Variants in AMMECR1 observed in about 807,000 individuals in gnomAD.
The protein encoded by AMMECR1 is AMMECR nuclear protein 1, also known as nuclear protein AMMECR1.
AMMECR1 carries 3 observed loss-of-function variants against 22.5 expected under a neutral mutation model. That is an observed-to-expected ratio of 0.13 (90% CI 0.06 to 0.35). The LOEUF is 0.35. Among genes scored for constraint, AMMECR1 ranks in the 10% least tolerant of loss-of-function variants. AMMECR1 has a pLI of 1.00. For missense variants in AMMECR1, 235 were observed against 278.7 expected (o/e 0.84, Z 1.12); for synonymous variants, 130 against 116.7 (o/e 1.11, Z -0.74).
At chrX:110,421,227 CTT>C (rs1368457793) in intron 2 of AMMECR1, among the ~76,000 whole-genome samples, 1 of 112,542 alleles carries the variant, frequency 8.9e-6, no homozygotes, top group African/African-American at 3.2e-5. Context: ...GGATTTAACT[CTT>C]TTCATGCACT....
chrX:110,367,515 A>T (rs771812908), intron 2 of AMMECR1, among the ~76,000 whole-genome samples: 1 of 110,599 alleles, frequency 9.0e-6, no homozygotes, highest in Non-Finnish European at 1.9e-5. Flanking sequence ...TTTTTCTTCC[A>T]CTTGGCTTCC....
At chrX:110,363,813 A>G (rs1207613320) in intron 2 of AMMECR1, among the ~76,000 whole-genome samples, 1 of 111,559 alleles carries the variant, frequency 9.0e-6, no homozygotes, top group East Asian at 2.8e-4. Flanking sequence ...AAGTGCCTAC[A>G]GAGTCAAACA....
At chrX:110,415,734 G>A (rs184381182) in intron 2 of AMMECR1, among the ~76,000 whole-genome samples, 3 of 111,421 alleles carry the variant, frequency 2.7e-5, no homozygotes, top group Admixed American at 9.5e-5. Context: ...AAGCTGGGCC[G>A]CAAACAAAGA....
At chrX:110,311,841 G>T in intron 1 of AMMECR1, among the ~76,000 whole-genome samples, 1 of 111,983 alleles carries the variant, frequency 8.9e-6, no homozygotes, top group Non-Finnish European at 1.9e-5. Flanking sequence ...ACAACCACTG[G>T]TTTCCCACAC....
chrX:110,407,724 A>G (rs930149730), intron 2 of AMMECR1, among the ~76,000 whole-genome samples: 1 of 112,287 alleles, frequency 8.9e-6, no homozygotes, highest in African/African-American at 3.2e-5. Flanking sequence ...GTTTGGGGCT[A>G]TCTGTGTGAG....
At chrX:110,338,082 C>T (rs1341589073) in intron 2 of AMMECR1, among the ~76,000 whole-genome samples, 1 of 111,573 alleles carries the variant, frequency 9.0e-6, no homozygotes, top group African/African-American at 3.3e-5. Flanking sequence ...AATGGGGAGT[C>T]ATTGTTTAAT....
intron 2 of AMMECR1, among the ~76,000 whole-genome samples, chrX:110,420,304 T>C (rs1488771717): frequency 1.8e-5 from 2 of 112,339 alleles, no homozygotes; most frequent in African/African-American, 6.5e-5. Context: ...TGTTCTGGAA[T>C]AGCTAACCAA....
At chrX:110,339,654 G>A (rs1256730241) in intron 2 of AMMECR1, among the ~76,000 whole-genome samples, 3 of 109,400 alleles carry the variant, frequency 2.7e-5, no homozygotes, top group Admixed American at 9.8e-5. Context: ...GCGCCACCAC[G>A]CCCGGCTAAT....
intron 1 of AMMECR1, among the ~76,000 whole-genome samples, chrX:110,427,197 C>T (rs1244559277): frequency 8.9e-6 from 1 of 112,050 alleles, no homozygotes; most frequent in Non-Finnish European, 1.9e-5. Flanking sequence ...TTCTCACCTT[C>T]TCTCCTTAGT....
chrX:110,199,673 C>A (rs1171505556), intron 5 of AMMECR1, among the ~76,000 whole-genome samples: 2 of 111,061 alleles, frequency 1.8e-5, no homozygotes, highest in African/African-American at 6.5e-5. Context: ...CCTTTCATTT[C>A]TTCCACATTA....
intron 1 of AMMECR1, among the ~76,000 whole-genome samples, chrX:110,296,910 T>G (rs1298262747): frequency 9.0e-6 from 1 of 111,270 alleles, no homozygotes; most frequent in Non-Finnish European, 1.9e-5. Context: ...CTGAATTAAG[T>G]GCCATAGTTT....
Position 110,367,441 on chromosome X carries a change from TCTC to T in AMMECR1, c.-147-49595_-147-49593del, listed in dbSNP as rs746410643. On this transcript the variant is annotated intron_variant, in intron 2 of 7. Coordinates refer to the AMMECR1 transcript ENST00000372057. ...TTAAATTCAATGGTCATTTTACTGTTCTCCTTTTTTTTTCGCCCAACAGCGGCA... is the reference window on the plus strand; with the variant it reads ...TTAAATTCAATGGTCATTTTACTGTTCTTTTTTTTTCGCCCAACAGCGGCA... 2.6e-3 allele frequency among the ~76,000 whole-genome samples: 296 copies of T among 111,828 alleles called. 1 individual carries two copies. Among genetic ancestry groups the T allele is most frequent in the African/African-American group, 9.5e-3 (291 of 30,793 alleles).
intron 2 of AMMECR1, among the ~76,000 whole-genome samples, chrX:110,347,667 C>T (rs1264649864): frequency 3.5e-5 from 4 of 112,678 alleles, no homozygotes; most frequent in Non-Finnish European, 7.5e-5. Context: ...GCAGGCATTA[C>T]CACTGACAAA....
intron 2 of AMMECR1, among the ~76,000 whole-genome samples, chrX:110,221,699 T>C (rs912848880): frequency 1.8e-5 from 2 of 109,940 alleles, no homozygotes; most frequent in African/African-American, 6.6e-5. Context: ...TCATGGGGAA[T>C]AGAGGAAAGA....
chrX:110,371,721 G>A (rs1487359542), intron 2 of AMMECR1, among the ~76,000 whole-genome samples: 1 of 111,178 alleles, frequency 9.0e-6, no homozygotes, highest in Non-Finnish European at 1.9e-5. Context: ...AATCCTGTTA[G>A]AAGGATCTGC....
At chrX:110,369,343 A>C (rs1363341951) in intron 2 of AMMECR1, among the ~76,000 whole-genome samples, 1 of 111,347 alleles carries the variant, frequency 9.0e-6, no homozygotes, top group East Asian at 2.8e-4. Flanking sequence ...GTAAAAGAAA[A>C]AAAGAAAAAA....
At chrX:110,227,347 C>A (rs2067539048) in intron 2 of AMMECR1, among the ~76,000 whole-genome samples, 1 of 111,937 alleles carries the variant, frequency 8.9e-6, no homozygotes, top group African/African-American at 3.3e-5. Context: ...GATACTGGTT[C>A]CTATCATGCG....
intron 1 of AMMECR1, among the ~76,000 whole-genome samples, chrX:110,305,713 T>C (rs773856273): frequency 1.6e-3 from 180 of 111,813 alleles, no homozygotes; most frequent in Non-Finnish European, 2.9e-3. Context: ...TATATACACA[T>C]ATAGACTTAA....
intron 2 of AMMECR1, among the ~76,000 whole-genome samples, chrX:110,417,238 G>T (rs1034630530): frequency 2.7e-5 from 3 of 111,994 alleles, no homozygotes; most frequent in Non-Finnish European, 5.6e-5. Flanking sequence ...TGCTCAGCTT[G>T]GAGGGAGGGG....
Sources: allele counts gnomAD v4.1 joint callset (sites outside exome capture counted in the v4.1 genomes callset), GRCh38; gene constraint gnomAD v4.1.1; transcripts MANE v1.5; gene names NCBI Gene and HGNC (gene_info 2026-07-23, HGNC 2026-07-21).